The following DNAJC5B variants were observed in gnomAD, a reference collection of about 807,000 sequenced individuals.
DNAJC5B encodes the protein DnaJ heat shock protein family (Hsp40) member C5 beta, also known as dnaJ homolog subfamily C member 5B.
A neutral mutation model predicts 24.7 loss-of-function variants in DNAJC5B; 23 were observed. The observed-to-expected ratio is 0.93, with a 90% confidence interval of 0.67 to 1.32. The LOEUF (loss-of-function observed/expected upper bound fraction) is 1.32. Among genes scored for constraint, DNAJC5B ranks in the 40% most tolerant of loss-of-function variants. The probability of loss-of-function intolerance (pLI) is 0.00; values close to 1 mark genes in which losing one functional copy is unlikely to be tolerated. For missense variants in DNAJC5B, 238 were observed against 240.8 expected (o/e 0.99, Z 0.08); for synonymous variants, 101 against 90.1 (o/e 1.12, Z -0.68).
chr8:66,067,849 C>T (rs530103529), intron 3 of DNAJC5B, among the ~76,000 whole-genome samples: 1 of 152,166 alleles, frequency 6.6e-6, no homozygotes, highest in Non-Finnish European at 1.5e-5. Context: ...TCAAAATTGT[C>T]CCCACCAAGT....
intron 2 of DNAJC5B, among the ~76,000 whole-genome samples, chr8:66,048,823 C>A (rs148687019): frequency 6.6e-6 from 1 of 152,114 alleles, no homozygotes; most frequent in Non-Finnish European, 1.5e-5. Flanking sequence ...ACCTTTTCTG[C>A]GAGGCCATCC....
upstream of DNAJC5B, among the ~76,000 whole-genome samples, chr8:66,017,165 C>T (rs1404755120): frequency 6.6e-6 from 1 of 152,160 alleles, no homozygotes; most frequent in Non-Finnish European, 1.5e-5. Context: ...TAAAATGCCT[C>T]TGCTAATGAC....
At chr8:66,017,529 G>C (rs1055080843), upstream of DNAJC5B, among the ~76,000 whole-genome samples, 3 of 152,166 alleles carry the variant, frequency 2.0e-5, no homozygotes, top group African/African-American at 7.2e-5. Flanking sequence ...AAAAAGACCC[G>C]AATTTAGATG....
chr8:66,029,100 G>A (rs372317140), intron 1 of DNAJC5B, among the ~76,000 whole-genome samples: 7 of 151,998 alleles, frequency 4.6e-5, no homozygotes, highest in East Asian at 1.9e-4. Context: ...CTCCTAATCC[G>A]GCCTCCTCCA....
At chr8:66,063,604 C>T (rs904790430) in intron 3 of DNAJC5B, among the ~76,000 whole-genome samples, 17 of 152,194 alleles carry the variant, frequency 1.1e-4, no homozygotes, top group African/African-American at 3.6e-4. Context: ...CCTTGTCCCT[C>T]GTCAAGTCTT....
intron 5 of DNAJC5B, among the ~76,000 whole-genome samples, chr8:66,092,780 T>C (rs1807873568): frequency 6.6e-6 from 1 of 152,226 alleles, no homozygotes; most frequent in Admixed American, 6.5e-5. Flanking sequence ...TCTTTCTTCA[T>C]CTTTATTTTT....
At chr8:66,046,876 G>T (rs543961370) in intron 2 of DNAJC5B, among the ~76,000 whole-genome samples, 1 of 152,236 alleles carries the variant, frequency 6.6e-6, no homozygotes, top group Admixed American at 6.5e-5. Flanking sequence ...CACGTTCTCC[G>T]GATGGTGCAC....
rs771058926 is a variant in DNAJC5B, at chr8:66,076,844, T to C, written c.304T>C (p.Tyr102His). The C allele has an allele frequency of 2.5e-6, 4 of 1,614,158 alleles. No homozygotes were observed. Among genetic ancestry groups the C allele is most frequent in the Middle Eastern group, 1.6e-4 (1 of 6,062 alleles). Residue 102 changes from tyrosine (Y) to histidine (H), a missense_variant, in exon 4 of 6, where the codon TAC becomes CAC. Coordinates refer to ENST00000276570, the MANE Select transcript of DNAJC5B (RefSeq NM_033105.6). Reference protein sequence around the residue: ...EQFGDENVNTYFMLSSWWAKA... With the variant: ...EQFGDENVNTHFMLSSWWAKA... Reference sequence around the variant, plus strand: ...GTTTGGAGACGAAAACGTTAACACCTACTTCATGCTGTCGAGCTGGTGGGC... The same window carrying C: ...GTTTGGAGACGAAAACGTTAACACCCACTTCATGCTGTCGAGCTGGTGGGC...
At chr8:66,060,370 G>A (rs1293459215) in intron 3 of DNAJC5B, among the ~76,000 whole-genome samples, 1 of 152,142 alleles carries the variant, frequency 6.6e-6, no homozygotes, top group African/African-American at 2.4e-5. Flanking sequence ...ACCCAGCTGG[G>A]GCTGTCACAG....
intron 1 of DNAJC5B, among the ~76,000 whole-genome samples, chr8:66,033,487 G>C: frequency 6.6e-6 from 1 of 152,168 alleles, no homozygotes; most frequent in Non-Finnish European, 1.5e-5. Context: ...ATCCATGTAA[G>C]CCCTCAGCAC....
the DNAJC5B span, among the ~76,000 whole-genome samples, chr8:66,016,517 A>G: frequency 2.0e-5 from 3 of 152,114 alleles, no homozygotes; most frequent in East Asian, 5.8e-4. Context: ...GCAATGCAGA[A>G]CCATGAATCA....
chr8:66,080,337 C>G, intron 4 of DNAJC5B, 40 bp from the exon 5 acceptor site: 1 of 1,589,400 alleles, frequency 6.3e-7, no homozygotes. Context: ...CTCACCCCAT[C>G]ACCCCTCATC....
chr8:66,028,778 A>G (rs1020115623), intron 1 of DNAJC5B, among the ~76,000 whole-genome samples: 1 of 151,960 alleles, frequency 6.6e-6, no homozygotes, highest in Non-Finnish European at 1.5e-5. Flanking sequence ...AAGATCACTC[A>G]TCTCTCCAAC....
At chr8:66,066,165 A>G (rs1807187974) in intron 3 of DNAJC5B, among the ~76,000 whole-genome samples, 1 of 152,224 alleles carries the variant, frequency 6.6e-6, no homozygotes, top group Non-Finnish European at 1.5e-5. Context: ...AATGCAAACT[A>G]AAACCACAAT....
chr8:66,088,011 T>C (rs1338085367), intron 5 of DNAJC5B, among the ~76,000 whole-genome samples: 1 of 152,226 alleles, frequency 6.6e-6, no homozygotes, highest in Non-Finnish European at 1.5e-5. Flanking sequence ...CAAACCCATA[T>C]TTCCCTTCTG....
intron 1 of DNAJC5B, among the ~76,000 whole-genome samples, chr8:66,034,064 A>G (rs1806421423): frequency 6.6e-6 from 1 of 152,180 alleles, no homozygotes; most frequent in Admixed American, 6.5e-5. Context: ...CTTGATTTAT[A>G]AAGTGGGAAT....
At chr8:66,065,632 G>T (rs142778888) in intron 3 of DNAJC5B, among the ~76,000 whole-genome samples, 1 of 152,314 alleles carries the variant, frequency 6.6e-6, no homozygotes, top group East Asian at 1.9e-4. Flanking sequence ...TGAAGTGGTT[G>T]TAGGGGGCTG....
At chr8:66,092,033 C>T (rs116897309) in intron 5 of DNAJC5B, among the ~76,000 whole-genome samples, 4,948 of 152,194 alleles carry the variant, frequency 0.033, 123 homozygotes, top group Middle Eastern at 0.082. Flanking sequence ...TAGGGAGCAA[C>T]TGTTTAATGG....
rs113255529 is a variant in DNAJC5B, at chr8:66,089,367, A to G, written c.505+8819A>G. 4.1e-3 allele frequency among the ~76,000 whole-genome samples: 618 copies of G among 152,322 alleles called. 3 individuals are homozygous for G. Among genetic ancestry groups the G allele is most frequent in the Non-Finnish European group, 6.3e-3 (426 of 68,028 alleles). On this transcript the variant is annotated intron_variant, in intron 5 of 5. Transcript: ENST00000276570. ...GTGTGGGAACACAGAGCCAAACCAT[A>G]TCAGTGACCAAACACCACAAATTTC...
Sources: allele counts gnomAD v4.1 joint callset (sites outside exome capture counted in the v4.1 genomes callset), GRCh38; gene constraint gnomAD v4.1.1; transcripts MANE v1.5; gene names NCBI Gene and HGNC (gene_info 2026-07-23, HGNC 2026-07-21).